The following KIRREL1 variants were observed in gnomAD, a reference collection of about 807,000 sequenced individuals.
KIRREL1 encodes the protein kirre like nephrin family adhesion molecule 1.
In KIRREL1, 25 loss-of-function variants were observed where a neutral mutation model predicts 83.3. That is an observed-to-expected ratio of 0.30 (90% CI 0.22 to 0.42). KIRREL1 has a LOEUF of 0.42. Ranked by LOEUF, KIRREL1 falls within the 10% of genes least tolerant of loss-of-function variation. The probability of loss-of-function intolerance (pLI) is 1.00; values close to 1 mark genes in which losing one functional copy is unlikely to be tolerated. For missense variants in KIRREL1, 812 were observed against 1,032.3 expected, an observed-to-expected ratio of 0.79 and a Z score of 2.92; for synonymous variants, 388 against 410.4, an observed-to-expected ratio of 0.95 and a Z score of 0.66.
intron 1 of KIRREL1, among the ~76,000 whole-genome samples, chr1:158,017,969 G>C (rs76182969): frequency 6.6e-6 from 1 of 152,014 alleles, no homozygotes; most frequent in Non-Finnish European, 1.5e-5. Flanking sequence ...TTGTTTGAAG[G>C]GAATGTGAAG....
chr1:158,036,238 T>G (rs1166736445), intron 1 of KIRREL1, among the ~76,000 whole-genome samples: 2 of 152,216 alleles, frequency 1.3e-5, no homozygotes, highest in Non-Finnish European at 2.9e-5. Flanking sequence ...ATTTATTCAT[T>G]TCTTTATTTA....
Position 158,078,109 on chromosome 1 carries a change from GC to G in KIRREL1, c.322del (p.Arg108AlafsTer23). The G allele has an allele frequency of 6.2e-7, 1 of 1,614,136 alleles. No individual in the cohort carries two copies. The highest frequency in any genetic ancestry group is 1.1e-5 in the South Asian group (1 of 91,080). ...YECQATEAALRSRRAKLTVLI... is the reference protein window; with the variant it reads ...YECQATEAALXSRRAKLTVLI... ...AGTGCCAGGCCACGGAGGCCGCCCT[GC>G]GCTCTCGGCGGGCCAAACTCACCGT... On this transcript the variant is annotated frameshift_variant, in exon 3 of 15. Coordinates refer to ENST00000359209, the MANE Select transcript of KIRREL1 (RefSeq NM_018240.7). LOFTEE classifies it high-confidence loss of function.
chr1:158,084,347 C>G, intron 3 of KIRREL1, 75 bp from the exon 4 acceptor site: 2 of 1,416,730 alleles, frequency 1.4e-6, no homozygotes, highest in Middle Eastern at 1.8e-4. Context: ...AGGATGCTTC[C>G]AGAGGCAGGA....
At chr1:158,090,918 G>A (rs1203974909) in intron 10 of KIRREL1, among the ~76,000 whole-genome samples, 1 of 152,182 alleles carries the variant, frequency 6.6e-6, no homozygotes, top group Non-Finnish European at 1.5e-5. Context: ...GGGGCTTGAT[G>A]GGGAGAGGAG....
chr1:158,071,559 C>T (rs981009560), intron 1 of KIRREL1, among the ~76,000 whole-genome samples: 8 of 152,178 alleles, frequency 5.3e-5, no homozygotes, highest in African/African-American at 1.9e-4. Context: ...CTGGAGCTGC[C>T]AGAATTTGAC....
In KIRREL1 at chr1:158,088,129, T is replaced by A. The variant is rs950053750; in HGVS notation, c.891T>A (p.Asn297Lys). The A allele has an allele frequency of 1.9e-6, 3 of 1,614,160 alleles. No individual in the cohort carries two copies. Among genetic ancestry groups the A allele is most frequent in the Non-Finnish European group, 2.5e-6 (3 of 1,180,032 alleles). ...CEVHNKVGST[N>K]VSTLVNVHFA... ...TTCACAACAAAGTGGGAAGCACCAA[T>A]GTCAGCACTTTAGTAAATGTCCACT... Residue 297 changes from asparagine (N) to lysine (K), a missense_variant, in exon 7 of 15, where the codon AAT becomes AAA. Physicochemically the swap from Asn to Lys is moderately conservative, Grantham distance 94. Transcript: ENST00000359209.
Position 158,088,098 on chromosome 1 carries a change from G to C in KIRREL1, c.860G>C (p.Cys287Ser). The change falls in exon 7 of 15, where the codon TGT becomes TCT. Residue 287 changes from cysteine to serine, a missense_variant. By Grantham distance (112) the Cys-to-Ser change is moderately radical. Around this residue, in one of 3 missense-constraint regions of KIRREL1, gnomAD observed 472 missense variants for 626.8 expected, o/e 0.75. Coordinates refer to ENST00000359209, the MANE Select transcript of KIRREL1 (RefSeq NM_018240.7). Reference sequence around the variant, plus strand: ...TCCTTTTTCACGGAGCCTGTGTCTTGTGAGGTTCACAACAAAGTGGGAAGC... The same window carrying C: ...TCCTTTTTCACGGAGCCTGTGTCTTCTGAGGTTCACAACAAAGTGGGAAGC... ...DYSFFTEPVS[C>S]EVHNKVGSTN... 6.2e-7 allele frequency: 1 copy of C among 1,614,144 alleles called. No homozygotes were observed. Among genetic ancestry groups the C allele is most frequent in the Non-Finnish European group, 8.5e-7 (1 of 1,180,026 alleles).
chr1:157,994,892 C>G (rs1365234766), intron 1 of KIRREL1, among the ~76,000 whole-genome samples: 3 of 152,302 alleles, frequency 2.0e-5, no homozygotes, highest in East Asian at 3.9e-4. Flanking sequence ...CACACACTCA[C>G]GCATTCATCC....
intron 1 of KIRREL1, among the ~76,000 whole-genome samples, chr1:158,038,968 G>A (rs1481401864): frequency 6.6e-6 from 1 of 152,226 alleles, no homozygotes; most frequent in Non-Finnish European, 1.5e-5. Flanking sequence ...AGCTGTAGCT[G>A]TCAGCAGATA....
At chr1:158,038,206 C>T (rs1180811914) in intron 1 of KIRREL1, among the ~76,000 whole-genome samples, 9 of 152,216 alleles carry the variant, frequency 5.9e-5, no homozygotes, top group Admixed American at 5.9e-4. Flanking sequence ...GAGTCCTGTG[C>T]ATTCATCCGT....
At chr1:158,083,743 A>G (rs146570587) in intron 3 of KIRREL1, among the ~76,000 whole-genome samples, 71 of 152,318 alleles carry the variant, frequency 4.7e-4, no homozygotes, top group Admixed American at 1.4e-3. Context: ...CCAGACTCCC[A>G]AGACTATGAG....
chr1:158,093,775 C>T lies in KIRREL1; in HGVS notation c.1719+13C>T, dbSNP rs1300645229. On this transcript the variant is annotated intron_variant, in intron 13 of 14. Transcript: ENST00000359209. ...GGCCATCTACTCGGTGAGGGTCCTG[C>T]TCCTCTCTGGCCTCCTGCCTTCTCC... is the stretch of plus-strand genomic sequence containing the variant. 4.3e-6 allele frequency: 7 copies of T among 1,613,852 alleles called. No homozygotes were observed. The highest frequency in any genetic ancestry group is 3.3e-5 in the South Asian group (3 of 91,066).
At chr1:158,067,138 C>T (rs1661377333) in intron 1 of KIRREL1, among the ~76,000 whole-genome samples, 1 of 152,184 alleles carries the variant, frequency 6.6e-6, no homozygotes, top group Admixed American at 6.5e-5. Context: ...CACTTCCAGC[C>T]TTTTCCATGT....
At chr1:158,004,084 G>T (rs1659448226) in intron 1 of KIRREL1, among the ~76,000 whole-genome samples, 1 of 152,186 alleles carries the variant, frequency 6.6e-6, no homozygotes, top group Admixed American at 6.5e-5. Context: ...CAGAGGGGCT[G>T]CTTCTGTGTG....
chr1:158,023,982 C>T (rs1238267932), intron 1 of KIRREL1, among the ~76,000 whole-genome samples: 1 of 152,136 alleles, frequency 6.6e-6, no homozygotes, highest in Non-Finnish European at 1.5e-5. Context: ...AAGTCTCGCT[C>T]TGTCACCCAG....
chr1:158,003,865 C>T (rs998595545), intron 1 of KIRREL1, among the ~76,000 whole-genome samples: 5 of 151,934 alleles, frequency 3.3e-5, no homozygotes, highest in African/African-American at 1.2e-4. Context: ...TTATCTGCAC[C>T]GCTGCCACTC....
intron 1 of KIRREL1, among the ~76,000 whole-genome samples, chr1:158,049,636 A>C (rs1660862133): frequency 6.6e-6 from 1 of 152,206 alleles, no homozygotes; most frequent in South Asian, 2.1e-4. Context: ...TTGGGAATGG[A>C]CTTAAGAGAA....
Position 158,094,723 on chromosome 1 carries a change from G to A in KIRREL1, c.1877G>A (p.Arg626His), listed in dbSNP as rs1469320581. The change falls in exon 15 of 15, where the codon CGT (arginine) becomes CAT (histidine). Residue 626 changes from arginine (R) to histidine (H), a missense_variant. Around this residue, in one of 3 missense-constraint regions of KIRREL1, gnomAD observed 334 missense variants for 383.7 expected, o/e 0.87. Transcript: ENST00000359209. The surrounding 1 kb of genome is among the most constrained non-coding windows in gnomAD (Gnocchi z 4.6). ...SSRAVLYADY[R>H]APGPARFDGR... is the part of the protein sequence containing the mutation. ...AGGGCAGTGCTCTATGCTGACTACC[G>A]TGCCCCTGGCCCTGCCCGCTTCGAC... is the stretch of plus-strand genomic sequence containing the variant. The A allele has an allele frequency of 2.5e-6, 4 of 1,613,114 alleles. No individual in the cohort carries two copies. The highest frequency in any genetic ancestry group is 2.2e-5 in the East Asian group (1 of 44,864).
chr1:158,050,446 C>G (rs534932670), intron 1 of KIRREL1, among the ~76,000 whole-genome samples: 3 of 152,014 alleles, frequency 2.0e-5, no homozygotes, highest in Non-Finnish European at 1.5e-5. Flanking sequence ...TAATGAGGTG[C>G]TATTTTCACT....
Sources: gnomAD v4.1 joint callset for allele counts (sites outside exome capture counted in the v4.1 genomes callset) on GRCh38, gnomAD v4.1.1 for gene constraint, gnomAD v4.1.1 regional missense constraint, Gnocchi (gnomAD v3.1) non-coding constraint, MANE v1.5 for transcripts, NCBI Gene and HGNC (gene_info 2026-07-23, HGNC 2026-07-21) for gene names.